The following MBOAT1 variants were observed in gnomAD, a reference collection of about 807,000 sequenced individuals.
MBOAT1 encodes the protein membrane-bound glycerophospholipid O-acyltransferase 1.
In MBOAT1, 67 loss-of-function variants were observed where a neutral mutation model predicts 64.4. The ratio of observed to expected loss-of-function variants is 1.04; its 90% CI spans 0.85 to 1.27. The LOEUF (loss-of-function observed/expected upper bound fraction) is 1.27, where lower values mean the gene tolerates loss of function less well. MBOAT1 is among the 50% of genes most tolerant of loss of function. The pLI, the probability that MBOAT1 is intolerant of heterozygous loss-of-function variation, is 0.00. For synonymous variants in MBOAT1, 229 were observed against 218.9 expected (o/e 1.05, Z -0.41); for missense variants, 563 against 604.6 (o/e 0.93, Z 0.72).
intron 12 of MBOAT1, 39 bp from the exon 13 acceptor site, chr6:20,102,451 G>A: frequency 6.5e-7 from 1 of 1,537,108 alleles, no homozygotes; most frequent in Non-Finnish European, 8.9e-7. Context: ...TTTCAAATAA[G>A]GATGTAGATG....
chr6:20,113,977 G>A (rs933960221), intron 10 of MBOAT1, among the ~76,000 whole-genome samples: 5 of 152,116 alleles, frequency 3.3e-5, no homozygotes, highest in African/African-American at 1.2e-4. Flanking sequence ...GAATGCAGTT[G>A]GAGAGATGAA....
chr6:20,119,565 C>CCCTA (rs1401367761), intron 8 of MBOAT1, among the ~76,000 whole-genome samples: 1 of 152,158 alleles, frequency 6.6e-6, no homozygotes, highest in Non-Finnish European at 1.5e-5. Context: ...AAACAACCTG[C>CCCTA]CCTACGTCTG....
At chr6:20,151,500 A>G (rs1188370858) in intron 2 of MBOAT1, among the ~76,000 whole-genome samples, 1 of 152,252 alleles carries the variant, frequency 6.6e-6, no homozygotes. Context: ...AGGAATCCAT[A>G]AATGGAACGC....
chr6:20,209,254 G>T (rs973269686), intron 1 of MBOAT1, among the ~76,000 whole-genome samples: 2 of 152,160 alleles, frequency 1.3e-5, no homozygotes, highest in Non-Finnish European at 2.9e-5. Flanking sequence ...TTCTGCATCT[G>T]AATTATTATG....
chr6:20,100,785 C>A lies in MBOAT1; in HGVS notation c.*1501G>T, dbSNP rs1035025740. ...TGGATTTGAATAAATTTTCTTCTCC[C>A]AAGCAATCTGATTGGCAGTACACCA... is the stretch of plus-strand genomic sequence containing the variant. On this transcript the variant is annotated 3_prime_UTR_variant, in exon 13 of 13. Coordinates refer to ENST00000324607, the MANE Select transcript of MBOAT1 (RefSeq NM_001080480.3). 3.9e-5 allele frequency among the ~76,000 whole-genome samples: 6 copies of A among 152,092 alleles called. No individual in the cohort carries two copies. The highest frequency in any genetic ancestry group is 1.4e-4 in the African/African-American group (6 of 41,412).
At chr6:20,182,784 G>A (rs1052809944) in intron 1 of MBOAT1, among the ~76,000 whole-genome samples, 6 of 152,108 alleles carry the variant, frequency 3.9e-5, no homozygotes, top group South Asian at 2.1e-4. Flanking sequence ...GGTCCATATC[G>A]ACACCTCCAT....
In MBOAT1 at chr6:20,150,261, G is replaced by A. The variant is rs142806875; in HGVS notation, c.323+924C>T. Among the ~76,000 whole-genome samples the A allele has an allele frequency of 9.5e-4, 145 of 152,044 alleles. 1 individual carries two copies. Among genetic ancestry groups the A allele is most frequent in the African/African-American group, 3.3e-3 (137 of 41,472 alleles). ...CTTTTTTAACAGTTTTAGTGTACACGTAGAAAGTATACAATTTAACATATA... is the reference window on the plus strand; with the variant it reads ...CTTTTTTAACAGTTTTAGTGTACACATAGAAAGTATACAATTTAACATATA... On this transcript the variant is annotated intron_variant, in intron 3 of 12. Transcript: ENST00000324607.
At chr6:20,179,294 C>T (rs1374140658) in intron 1 of MBOAT1, among the ~76,000 whole-genome samples, 1 of 152,182 alleles carries the variant, frequency 6.6e-6, no homozygotes, top group African/African-American at 2.4e-5. Context: ...CTCAAGATCT[C>T]ATTCTTGTAC....
chr6:20,210,097 CAAGGACCCT>C (rs1644431453), intron 1 of MBOAT1, among the ~76,000 whole-genome samples: 1 of 152,194 alleles, frequency 6.6e-6, no homozygotes, highest in Non-Finnish European at 1.5e-5. Context: ...CCGTTTCCTG[CAAGGACCCT>C]GATACAAGAA....
intron 6 of MBOAT1, 36 bp downstream of exon 6, chr6:20,128,663 A>C (rs1760728845): frequency 6.5e-7 from 1 of 1,537,088 alleles, no homozygotes; most frequent in Admixed American, 1.9e-5. Context: ...ACTGATATGC[A>C]AAGGGCTTGT....
intron 1 of MBOAT1, among the ~76,000 whole-genome samples, chr6:20,156,501 A>C (rs540995076): frequency 2.0e-5 from 3 of 152,124 alleles, no homozygotes; most frequent in Non-Finnish European, 4.4e-5. Flanking sequence ...AACACACAAC[A>C]CCACCACGTA....
chr6:20,130,588 C>CAG lies in MBOAT1; in HGVS notation c.475+555_475+556insCT, dbSNP rs1410431413. 9.2e-5 allele frequency among the ~76,000 whole-genome samples: 14 copies of CAG among 151,878 alleles called. 1 individual carries two copies. The highest frequency in any genetic ancestry group is 3.4e-4 in the African/African-American group (14 of 41,322). ...CAGGCTGATCTCGAACTACTGACCT[C>CAG]GTGATCTGCCCACCTCGGCCTCCCA... On this transcript the variant is annotated intron_variant, in intron 5 of 12. Transcript: ENST00000324607.
chr6:20,173,224 C>T (rs1010491432), intron 1 of MBOAT1, among the ~76,000 whole-genome samples: 3 of 152,138 alleles, frequency 2.0e-5, no homozygotes, highest in Non-Finnish European at 2.9e-5. Flanking sequence ...TCAGGTATTG[C>T]TTTATAGCAG....
intron 6 of MBOAT1, among the ~76,000 whole-genome samples, chr6:20,128,239 T>C (rs1760718090): frequency 6.6e-6 from 1 of 152,176 alleles, no homozygotes. Flanking sequence ...TCCTCCTGTA[T>C]TTAACTCAGC....
intron 8 of MBOAT1, 47 bp downstream of exon 8, chr6:20,124,361 A>C: frequency 1.3e-6 from 2 of 1,570,818 alleles, no homozygotes. Flanking sequence ...CCATTCAAGC[A>C]GTAGCATTTT....
chr6:20,198,247 GAAAGAAAAAAGA>G lies in MBOAT1; in HGVS notation c.99+13877_99+13888del, dbSNP rs1441126056. 9.4e-4 allele frequency among the ~76,000 whole-genome samples: 141 copies of G among 150,282 alleles called. 1 individual carries two copies. The highest frequency in any genetic ancestry group is 4.3e-4 in the Non-Finnish European group (29 of 67,512). ...TGTCTCAAAAAAAAAAAAAAAGAAAGAAAGAAAAAAGAAAAGAAAAAATCACCTAAGAACGTG... is the reference window on the plus strand; with the variant it reads ...TGTCTCAAAAAAAAAAAAAAAGAAAGAAAGAAAAAATCACCTAAGAACGTG... On this transcript the variant is annotated intron_variant, in intron 1 of 12. Transcript: ENST00000324607.
At position 20,212,122 on chromosome 6, in the gene MBOAT1, C is replaced by G. The variant is rs375680731; in HGVS notation, c.99+14G>C. The G allele has an allele frequency of 2.5e-6, 4 of 1,611,528 alleles. No individual in the cohort carries two copies. The African/African-American group carries it at 5.3e-5, about 22-fold the overall frequency. ...TGGGGAGCTGGGGTCGCTGCGCTCC[C>G]GGCCTGCAGTTACCTGGTCCAGCGG... On this transcript the variant is annotated intron_variant, in intron 1 of 12. Coordinates refer to ENST00000324607, the MANE Select transcript of MBOAT1 (RefSeq NM_001080480.3).
At chr6:20,128,221 T>C (rs2113655072) in intron 6 of MBOAT1, among the ~76,000 whole-genome samples, 1 of 152,262 alleles carries the variant, frequency 6.6e-6, no homozygotes, top group South Asian at 2.1e-4. Context: ...CAAAGCCACC[T>C]GTAGCCCTCC....
Position 20,109,901 on chromosome 6 carries a change from A to ATTTTTTTTTTTTTTTTTTTTT in MBOAT1, c.1210-153_1210-152insAAAAAAAAAAAAAAAAAAAAA, listed in dbSNP as rs756853889. 1.0e-5 allele frequency: 3 copies of ATTTTTTTTTTTTTTTTTTTTT among 296,680 alleles called. 1 individual carries two copies. The highest frequency in any genetic ancestry group is 2.6e-5 in the African/African-American group (1 of 38,046). 18.4% of individuals were successfully genotyped at this position (296,680 alleles called of 1,614,324 possible). On this transcript the variant is annotated intron_variant, in intron 11 of 12. Transcript: ENST00000324607. Reference sequence around the variant, plus strand: ...ATTTTCGACTACAAATACCATCAGGACTTTTTTTTTTTTTTTTTTTTTTTT... The same window carrying ATTTTTTTTTTTTTTTTTTTTT: ...ATTTTCGACTACAAATACCATCAGGATTTTTTTTTTTTTTTTTTTTTCTTTTTTTTTTTTTTTTTTTTTTTT...
Sources: gnomAD v4.1 joint callset for allele counts (sites outside exome capture counted in the v4.1 genomes callset) on GRCh38, gnomAD v4.1.1 for gene constraint, MANE v1.5 for transcripts, NCBI Gene and HGNC (gene_info 2026-07-23, HGNC 2026-07-21) for gene names.